The following OCA2 variants were observed in gnomAD, a reference collection of about 807,000 sequenced individuals.
The protein encoded by OCA2 is P protein.
In OCA2, 77 loss-of-function variants were observed where a neutral mutation model predicts 100.2. The ratio of observed to expected loss-of-function variants is 0.77; its 90% CI spans 0.64 to 0.93. The LOEUF is 0.93. OCA2 is among the 40% of genes least tolerant of loss of function. The pLI, the probability that OCA2 is intolerant of heterozygous loss-of-function variation, is 0.00. For synonymous variants in OCA2, 432 were observed against 439.2 expected (o/e 0.98, Z 0.21); for missense variants, 1,062 against 1,089.1 (o/e 0.98, Z 0.35).
intron 14 of OCA2, among the ~76,000 whole-genome samples, chr15:27,970,959 G>A (rs903493266): frequency 6.6e-6 from 1 of 151,216 alleles, no homozygotes; most frequent in Admixed American, 6.6e-5. Context: ...AAAGCCTGAA[G>A]AACTCCCCAG....
At chr15:27,953,376 G>A (rs1160831100) in intron 17 of OCA2, among the ~76,000 whole-genome samples, 3 of 152,222 alleles carry the variant, frequency 2.0e-5, no homozygotes, top group Non-Finnish European at 4.4e-5. Context: ...TGCCCACCGT[G>A]AAGGCTCATG....
intron 5 of OCA2, among the ~76,000 whole-genome samples, chr15:28,023,247 C>T (rs563097316): frequency 2.0e-5 from 3 of 152,308 alleles, no homozygotes; most frequent in South Asian, 4.1e-4. Context: ...AATATCAAAT[C>T]GTGATGCTTT....
chr15:27,922,967 CT>C (rs2038919448), intron 19 of OCA2, among the ~76,000 whole-genome samples: 2 of 152,088 alleles, frequency 1.3e-5, no homozygotes, highest in African/African-American at 4.8e-5. Context: ...CTCCTCCCAC[CT>C]TTCATCCTCC....
At chr15:27,991,716 C>A (rs1378682343) in intron 9 of OCA2, among the ~76,000 whole-genome samples, 1 of 151,972 alleles carries the variant, frequency 6.6e-6, no homozygotes, top group East Asian at 1.9e-4. Context: ...TTAAATTATA[C>A]CTCAATAAAT....
chr15:27,859,186 T>G (rs1385651650), intron 21 of OCA2, among the ~76,000 whole-genome samples: 1 of 151,794 alleles, frequency 6.6e-6, no homozygotes, highest in African/African-American at 2.4e-5. Flanking sequence ...AGAAGAGAGA[T>G]AAATAAGATG....
intron 2 of OCA2, among the ~76,000 whole-genome samples, chr15:28,071,016 C>T (rs1361581984): frequency 3.5e-5 from 5 of 142,082 alleles, no homozygotes; most frequent in African/African-American, 1.3e-4. Context: ...ATCAGGGACA[C>T]AAACACTGCG....
intron 23 of OCA2, among the ~76,000 whole-genome samples, chr15:27,826,068 G>A (rs1233551902): frequency 2.0e-5 from 3 of 152,170 alleles, no homozygotes; most frequent in African/African-American, 7.2e-5. Context: ...GACTACCCAT[G>A]AGCCACCATT....
chr15:27,949,405 G>C (rs768910224), intron 18 of OCA2, among the ~76,000 whole-genome samples: 5 of 152,226 alleles, frequency 3.3e-5, no homozygotes, highest in Admixed American at 1.3e-4. Flanking sequence ...GCTCGTGCCT[G>C]TAATCCCCGC....
chr15:28,008,780 A>C (rs1472808113), intron 9 of OCA2, among the ~76,000 whole-genome samples: 2 of 152,264 alleles, frequency 1.3e-5, no homozygotes, highest in African/African-American at 4.8e-5. Flanking sequence ...GGGATCAGGG[A>C]GGAGGCCATA....
At chr15:27,934,415 C>T (rs957296883) in intron 18 of OCA2, among the ~76,000 whole-genome samples, 7 of 152,198 alleles carry the variant, frequency 4.6e-5, no homozygotes, top group African/African-American at 1.7e-4. Flanking sequence ...CAGACACTTG[C>T]TTATCTGATC....
intron 19 of OCA2, chr15:27,896,313 A>G (rs1315898846): frequency 4.4e-6 from 4 of 917,646 alleles, no homozygotes; most frequent in East Asian, 2.4e-5. Context: ...TGCAGATTAC[A>G]TGTGCTACTT....
intron 23 of OCA2, among the ~76,000 whole-genome samples, chr15:27,779,022 G>A (rs968239171): frequency 1.3e-5 from 2 of 152,226 alleles, no homozygotes; most frequent in Non-Finnish European, 2.9e-5. Flanking sequence ...AATTGCTCTA[G>A]AGAGATGAGA....
At position 28,081,836 on chromosome 15, in the gene OCA2, G is replaced by A. The variant is rs761298125; in HGVS notation, c.39C>T (p.Gly13=). 27 of 1,611,424 alleles carry A rather than the reference G, an allele frequency of 1.7e-5. No homozygotes were observed. The highest frequency in any genetic ancestry group is 1.6e-4 in the African/African-American group (12 of 74,926). ...TCTGCAGGAGCTCCACCGCCGGCGC[G>A]CCGGGGTACCGCCTGCCGTCTCTGC... ...LEGRDGRRYP[G]APAVELLQTS... is the part of the protein sequence containing the mutation. Residue 13 remains glycine, a synonymous_variant, in exon 2 of 24, where the codon GGC becomes GGT. Coordinates refer to ENST00000354638, the MANE Select transcript of OCA2 (RefSeq NM_000275.3).
At chr15:28,054,220 G>C (rs1343378890) in intron 2 of OCA2, among the ~76,000 whole-genome samples, 1 of 151,678 alleles carries the variant, frequency 6.6e-6, no homozygotes, top group Non-Finnish European at 1.5e-5. Context: ...GTATGTATGT[G>C]TATGTGTGTA....
At chr15:27,796,349 A>G (rs555941518) in intron 23 of OCA2, among the ~76,000 whole-genome samples, 5 of 152,390 alleles carry the variant, frequency 3.3e-5, no homozygotes, top group African/African-American at 9.6e-5. Flanking sequence ...CCTGAGGGGC[A>G]TGAGCAAGCC....
In OCA2 at chr15:27,926,158, A is replaced by G. The variant is rs765794380; in HGVS notation, c.2048T>C (p.Leu683Pro). The G allele has an allele frequency of 6.2e-7, 1 of 1,614,156 alleles. No individual in the cohort carries two copies. Among genetic ancestry groups the G allele is most frequent in the Non-Finnish European group, 8.5e-7 (1 of 1,179,988 alleles). Residue 683 changes from leucine to proline, a missense_variant, in exon 19 of 24, where the codon CTG becomes CCG. Coordinates refer to ENST00000354638, the MANE Select transcript of OCA2 (RefSeq NM_000275.3). ...ILHRVEWATL[L>P]FFAALFVLME... Reference sequence around the variant, plus strand: ...CAGAACAAAGAGCGCTGCAAAAAACAGAAGGGTTGCCCATTCCACTCTGTG... The same window carrying G: ...CAGAACAAAGAGCGCTGCAAAAAACGGAAGGGTTGCCCATTCCACTCTGTG...
chr15:28,035,829 CTTATT>C (rs894050174), intron 2 of OCA2, among the ~76,000 whole-genome samples: 20 of 151,044 alleles, frequency 1.3e-4, no homozygotes, highest in African/African-American at 4.9e-4. Flanking sequence ...TACATTTATA[CTTATT>C]TTAAAGGAAA....
chr15:27,972,373 G>A (rs938619105), intron 14 of OCA2, among the ~76,000 whole-genome samples: 1 of 152,172 alleles, frequency 6.6e-6, no homozygotes, highest in Non-Finnish European at 1.5e-5. Flanking sequence ...CCAGTGACTG[G>A]ATTGCTGGAT....
chr15:27,822,124 TTAC>T (rs533619607), intron 23 of OCA2, among the ~76,000 whole-genome samples: 1,980 of 152,214 alleles, frequency 0.013, 27 homozygotes, highest in Non-Finnish European at 0.019. Context: ...CATCAATGGA[TTAC>T]TACAAGCTGA....
Sources: gnomAD v4.1 joint callset for allele counts (sites outside exome capture counted in the v4.1 genomes callset) on GRCh38, gnomAD v4.1.1 for gene constraint, MANE v1.5 for transcripts, NCBI Gene and HGNC (gene_info 2026-07-23, HGNC 2026-07-21) for gene names.